EXT1: variants seen among roughly 807,000 people sequenced by gnomAD.
The protein encoded by EXT1 is exostosin glycosyltransferase 1, also known as exostosin-1.
Under a neutral mutation model 82.5 loss-of-function variants are expected in EXT1, and 20 were observed. That is an observed-to-expected ratio of 0.24 (90% CI 0.17 to 0.35). The LOEUF (loss-of-function observed/expected upper bound fraction) is 0.35, where lower values mean the gene tolerates loss of function less well. Ranked by LOEUF, EXT1 falls within the 10% of genes least tolerant of loss-of-function variation. EXT1 has a pLI of 1.00. For synonymous variants in EXT1, 348 were observed against 350.8 expected (o/e 0.99, Z 0.09); for missense variants, 757 against 936.5 (o/e 0.81, Z 2.50).
At chr8:117,963,538 T>G (rs895174073) in intron 1 of EXT1, among the ~76,000 whole-genome samples, 2 of 152,150 alleles carry the variant, frequency 1.3e-5, no homozygotes, top group African/African-American at 4.8e-5. Context: ...TCACCCAGGC[T>G]GGACTGCAGT....
At chr8:118,089,328 T>C (rs1161261475) in intron 1 of EXT1, among the ~76,000 whole-genome samples, 1 of 152,188 alleles carries the variant, frequency 6.6e-6, no homozygotes, top group Non-Finnish European at 1.5e-5. Context: ...CACTCAGTTA[T>C]AAACTAATCG....
At chr8:117,873,911 A>G (rs1272073578) in intron 1 of EXT1, among the ~76,000 whole-genome samples, 4 of 152,260 alleles carry the variant, frequency 2.6e-5, no homozygotes, top group African/African-American at 4.8e-5. Flanking sequence ...CCAACAAAAC[A>G]TAACATACTA....
intron 1 of EXT1, among the ~76,000 whole-genome samples, chr8:117,867,556 G>C (rs1489009154): frequency 7.2e-5 from 11 of 152,248 alleles, no homozygotes; most frequent in Non-Finnish European, 1.5e-5. Context: ...ACAGCAAATG[G>C]TCACAGGAAA....
intron 1 of EXT1, among the ~76,000 whole-genome samples, chr8:117,838,832 T>A (rs1812228211): frequency 1.3e-5 from 2 of 152,114 alleles, no homozygotes; most frequent in South Asian, 2.1e-4. Context: ...GATTTTTTTT[T>A]AATACAGAAA....
rs752644731 is a variant in EXT1, at chr8:118,110,974, C to G, written c.73G>C (p.Gly25Arg). ...SCLALLFYFGGLQFRASRSHS... is the reference protein window; with the variant it reads ...SCLALLFYFGRLQFRASRSHS... ...CTCCTCGATGCCCTAAACTGCAAGC[C>G]TCCGAAATAAAACAAAAGGGCGAGA... The change falls in exon 1 of 11, where the codon GGC becomes CGC. Residue 25 changes from glycine (G) to arginine (R), a missense_variant. Gly to Arg is a moderately radical substitution (Grantham distance 125). This residue lies in a region of EXT1 where 175 missense variants were observed against 159.0 expected (regional missense o/e 1.10). Transcript: ENST00000378204. 33 of 1,610,864 alleles carry G rather than the reference C, an allele frequency of 2.0e-5. No homozygotes were observed. Among genetic ancestry groups the G allele is most frequent in the Non-Finnish European group, 2.7e-5 (32 of 1,179,994 alleles).
intron 1 of EXT1, among the ~76,000 whole-genome samples, chr8:118,046,711 A>G (rs887558231): frequency 7.9e-5 from 12 of 152,220 alleles, no homozygotes; most frequent in African/African-American, 2.4e-5. Context: ...GTAGTGGTCT[A>G]GTTTTATTAA....
At chr8:117,873,576 C>T (rs960685619) in intron 1 of EXT1, among the ~76,000 whole-genome samples, 2 of 151,556 alleles carry the variant, frequency 1.3e-5, no homozygotes, top group Non-Finnish European at 2.9e-5. Flanking sequence ...GTGCCTCAGC[C>T]TCCCGAATAG....
intron 1 of EXT1, among the ~76,000 whole-genome samples, chr8:117,938,019 C>T (rs1474354336): frequency 6.6e-6 from 1 of 152,190 alleles, no homozygotes; most frequent in East Asian, 1.9e-4. Context: ...TACCAGACAC[C>T]TCAATAGGAA....
chr8:117,828,252 A>C (rs1812040251), intron 4 of EXT1, among the ~76,000 whole-genome samples: 1 of 152,128 alleles, frequency 6.6e-6, no homozygotes, highest in Admixed American at 6.6e-5. Flanking sequence ...GTTTTCTATT[A>C]GTTTCTAAAA....
At chr8:117,928,394 T>C (rs1338204476) in intron 1 of EXT1, among the ~76,000 whole-genome samples, 1 of 152,226 alleles carries the variant, frequency 6.6e-6, no homozygotes, top group Non-Finnish European at 1.5e-5. Context: ...CATGTACATA[T>C]GCACGAGCAA....
intron 1 of EXT1, among the ~76,000 whole-genome samples, chr8:117,954,090 A>C (rs111635272): frequency 1.3e-5 from 2 of 152,098 alleles, no homozygotes; most frequent in Non-Finnish European, 2.9e-5. Flanking sequence ...GCAGTAATCC[A>C]TTTCTGGTCT....
rs74565144 is a variant in EXT1, at chr8:118,095,340, T to C, written c.962+14745A>G. ...AGCATTGAGGTACTTAAATTTTAAC[T>C]TATCATAAAATACTGTTCTTTTTTA... On this transcript the variant is annotated intron_variant, in intron 1 of 10. Transcript: ENST00000378204. Among the ~76,000 whole-genome samples, 1,349 of 152,320 alleles carry C rather than the reference T, an allele frequency of 8.9e-3. 22 individuals are homozygous for C. Among genetic ancestry groups the C allele is most frequent in the African/African-American group, 0.031 (1,275 of 41,558 alleles).
chr8:118,036,304 C>T (rs537422161), intron 1 of EXT1, among the ~76,000 whole-genome samples: 17 of 152,152 alleles, frequency 1.1e-4, no homozygotes, highest in African/African-American at 4.1e-4. Flanking sequence ...AACCTCAGAG[C>T]CCCTTAGAAT....
intron 1 of EXT1, among the ~76,000 whole-genome samples, chr8:118,086,401 T>C (rs1817419285): frequency 1.3e-5 from 2 of 152,214 alleles, no homozygotes; most frequent in Admixed American, 1.3e-4. Flanking sequence ...AGTGATTTCA[T>C]ATTATGGCCT....
At chr8:118,061,605 C>T (rs913350615) in intron 1 of EXT1, among the ~76,000 whole-genome samples, 7 of 152,212 alleles carry the variant, frequency 4.6e-5, no homozygotes, top group Admixed American at 3.9e-4. Flanking sequence ...CTCCACACAT[C>T]TGGAGGTAAG....
intron 1 of EXT1, among the ~76,000 whole-genome samples, chr8:117,894,845 A>G (rs776508940): frequency 6.6e-6 from 1 of 152,236 alleles, no homozygotes; most frequent in African/African-American, 2.4e-5. Context: ...CCTTCTCGCA[A>G]TGTCCAGTTT....
At chr8:117,942,787 T>C (rs17430902) in intron 1 of EXT1, among the ~76,000 whole-genome samples, 1 of 152,328 alleles carries the variant, frequency 6.6e-6, no homozygotes, top group East Asian at 1.9e-4. Flanking sequence ...TTTTTAAACA[T>C]TCATATGTAA....
intron 1 of EXT1, among the ~76,000 whole-genome samples, chr8:117,992,482 T>C (rs1227927602): frequency 7.2e-6 from 1 of 139,630 alleles, no homozygotes; most frequent in Non-Finnish European, 1.5e-5. Context: ...CAGATGGATA[T>C]AGGATACGAA....
At chr8:118,070,224 TTCTGTGTGTGTGTGTG>T (rs1410134289) in intron 1 of EXT1, among the ~76,000 whole-genome samples, 2 of 121,510 alleles carry the variant, frequency 1.6e-5, no homozygotes, top group African/African-American at 6.7e-5. Flanking sequence ...CATCATAAAT[TTCTGTGTGTGTGTGTG>T]TGTGTGTGTG....
Sources: allele counts gnomAD v4.1 joint callset (sites outside exome capture counted in the v4.1 genomes callset), GRCh38; gene constraint gnomAD v4.1.1; regional missense constraint gnomAD v4.1.1; transcripts MANE v1.5; gene names NCBI Gene and HGNC (gene_info 2026-07-23, HGNC 2026-07-21).